FKBP5: variants seen among roughly 807,000 people sequenced by gnomAD.
FKBP5 encodes peptidyl-prolyl cis-trans isomerase FKBP5.
Under a neutral mutation model 50.5 loss-of-function variants are expected in FKBP5, and 23 were observed. The ratio of observed to expected loss-of-function variants is 0.46; its 90% confidence interval spans 0.33 to 0.65. The LOEUF is 0.65. Ranked by LOEUF, FKBP5 falls within the 30% of genes least tolerant of loss-of-function variation. FKBP5 has a pLI of 0.02. For synonymous variants in FKBP5, 176 were observed against 190.6 expected (o/e 0.92, Z 0.63); for missense variants, 411 against 553.1 (o/e 0.74, Z 2.58).
intron 1 of FKBP5, among the ~76,000 whole-genome samples, chr6:35,669,735 A>C (rs1022315993): frequency 6.6e-6 from 1 of 152,264 alleles, no homozygotes; most frequent in African/African-American, 2.4e-5. Context: ...CAAAATTAGA[A>C]ATATAAATTA....
chr6:35,601,293 A>G (rs551986052), intron 5 of FKBP5, among the ~76,000 whole-genome samples: 7 of 152,354 alleles, frequency 4.6e-5, no homozygotes, highest in Non-Finnish European at 8.8e-5. Flanking sequence ...AACATTCGGA[A>G]TGTCAGAGTA....
At position 35,688,790 on chromosome 6, in the gene FKBP5, C is replaced by T. The variant is rs1229325501; in HGVS notation, c.-20+14G>A. On this transcript the variant is annotated intron_variant, in intron 1 of 10. Coordinates refer to ENST00000357266, the MANE Select transcript of FKBP5 (RefSeq NM_004117.4). ...CGGCCGGCCGCCCCATCTCCGTGGC[C>T]ATGGCGCCGGTACCTGTCGCCGCGG... The T allele has an allele frequency of 3.3e-5, 5 of 150,906 alleles. No individual in the cohort carries two copies. Among genetic ancestry groups the T allele is most frequent in the Non-Finnish European group, 5.9e-5 (4 of 67,584 alleles). The allele number at this position is 150,906 out of a possible 1,614,324, so 9.3% of individuals were successfully genotyped here.
intron 5 of FKBP5, among the ~76,000 whole-genome samples, chr6:35,611,416 G>C (rs1262571766): frequency 6.6e-6 from 1 of 152,142 alleles, no homozygotes; most frequent in Non-Finnish European, 1.5e-5. Flanking sequence ...AAAGTACTGA[G>C]AGGCGAGAGA....
intron 3 of FKBP5, among the ~76,000 whole-genome samples, chr6:35,632,895 G>GAA (rs998925352): frequency 1.1e-5 from 1 of 94,190 alleles, no homozygotes; most frequent in Non-Finnish European, 2.3e-5. Flanking sequence ...GTCTCAGAAA[G>GAA]AAAAAAAAAA....
intron 2 of FKBP5, among the ~76,000 whole-genome samples, chr6:35,701,335 C>T (rs1354899815): frequency 2.0e-5 from 3 of 149,778 alleles, no homozygotes; most frequent in Non-Finnish European, 3.0e-5. Context: ...GCTCCGCCTC[C>T]CGGGTTCACG....
At chr6:35,684,817 A>G (rs993034432) in intron 1 of FKBP5, among the ~76,000 whole-genome samples, 1 of 152,170 alleles carries the variant, frequency 6.6e-6, no homozygotes, top group African/African-American at 2.4e-5. Context: ...ACTTGAGCTC[A>G]GGAGTTGGAC....
intron 1 of FKBP5, among the ~76,000 whole-genome samples, chr6:35,656,016 G>A (rs1303505084): frequency 6.6e-6 from 1 of 152,154 alleles, no homozygotes; most frequent in Non-Finnish European, 1.5e-5. Flanking sequence ...AGCAACTGGA[G>A]GAAGAGATGT....
rs142746190 is a variant in FKBP5, at chr6:35,610,534, C to T, written c.508+8562G>A. The stretch of plus-strand genomic sequence containing the variant: ...AGTGAGCCAAGACCGCGCCACTGCA[C>T]TATAGCCTGAGTGACAGAGCAAGAC... On this transcript the variant is annotated intron_variant, in intron 5 of 10. Transcript: ENST00000357266. Among the ~76,000 whole-genome samples the T allele has an allele frequency of 3.7e-3, 399 of 108,656 alleles. 1 individual carries two copies. Among genetic ancestry groups the T allele is most frequent in the Middle Eastern group, 0.023 (2 of 86 alleles). The allele number at this position is 108,656 out of a possible 152,430, so 71.3% of individuals were successfully genotyped here. A position where few individuals can be genotyped will look rare whatever the true frequency, so the allele number is the denominator to read the frequency against.
intron 1 of FKBP5, among the ~76,000 whole-genome samples, chr6:35,679,772 G>T (rs1341223690): frequency 6.6e-6 from 1 of 152,110 alleles, no homozygotes; most frequent in Non-Finnish European, 1.5e-5. Flanking sequence ...AGACTCAGAA[G>T]AGGGCAGGGG....
At chr6:35,727,736 C>T (rs758114612) in intron 1 of FKBP5, among the ~76,000 whole-genome samples, 1 of 152,204 alleles carries the variant, frequency 6.6e-6, no homozygotes, top group Non-Finnish European at 1.5e-5. Context: ...CCTCCTCCCG[C>T]CCCCCGGACT....
intron 3 of FKBP5, among the ~76,000 whole-genome samples, chr6:35,632,138 C>T (rs1264322472): frequency 6.6e-6 from 1 of 151,974 alleles, no homozygotes; most frequent in Non-Finnish European, 1.5e-5. Flanking sequence ...GGGCTATGAC[C>T]AGTTCTAATA....
rs542621110 is a variant in FKBP5 at position 35,674,682 on chromosome 6, A to G, written c.-20+14122T>C. The stretch of plus-strand genomic sequence containing the variant: ...TGTATTAACTCATTTAATTCTCTCA[A>G]CAATCCTAGGCGAGAGATCACGTCA... On this transcript the variant is annotated intron_variant, in intron 1 of 10. Transcript: ENST00000357266. 3.9e-5 allele frequency among the ~76,000 whole-genome samples: 6 copies of G among 152,344 alleles called. No individual in the cohort carries two copies. In the South Asian group the frequency reaches 8.3e-4, roughly 21 times the overall value.
upstream of FKBP5, among the ~76,000 whole-genome samples, chr6:35,690,286 T>C (rs968945086): frequency 3.9e-5 from 6 of 152,002 alleles, no homozygotes; most frequent in Admixed American, 3.3e-4. Flanking sequence ...CTGACCAACA[T>C]GGAGAAACCC....
At chr6:35,606,078 A>G (rs1328737571) in intron 5 of FKBP5, among the ~76,000 whole-genome samples, 2 of 152,260 alleles carry the variant, frequency 1.3e-5, no homozygotes, top group Non-Finnish European at 2.9e-5. Flanking sequence ...GGACCTAATT[A>G]AAGAGCTTCA....
rs371822356 is a variant in FKBP5, at chr6:35,583,543, T to G, written c.841-3322A>C. The stretch of plus-strand genomic sequence containing the variant: ...AAGTCTGTCTTGTACTCCCTGCTTC[T>G]GAGGTACTAAAGCAGTTCTCAACTG... On this transcript the variant is annotated intron_variant, in intron 8 of 10. Coordinates refer to ENST00000357266, the MANE Select transcript of FKBP5 (RefSeq NM_004117.4). 53 of 985,356 alleles carry G rather than the reference T, an allele frequency of 5.4e-5. 1 individual carries two copies. In the East Asian group the frequency reaches 1.2e-3, roughly 23 times the overall value. The allele number at this position is 985,356 out of a possible 1,614,324, so 61.0% of individuals were successfully genotyped here.
intron 1 of FKBP5, among the ~76,000 whole-genome samples, chr6:35,687,396 C>G (rs1004085920): frequency 6.6e-6 from 1 of 152,074 alleles, no homozygotes; most frequent in Non-Finnish European, 1.5e-5. Flanking sequence ...AATTTCCCAC[C>G]AGAATAAGAA....
intron 1 of FKBP5, among the ~76,000 whole-genome samples, chr6:35,687,230 T>C (rs906584065): frequency 2.0e-5 from 3 of 152,198 alleles, no homozygotes; most frequent in African/African-American, 4.8e-5. Flanking sequence ...AAATAAAGTG[T>C]TTCTCACAAA....
chr6:35,643,424 A>G (rs1387174405), intron 1 of FKBP5, among the ~76,000 whole-genome samples: 1 of 152,160 alleles, frequency 6.6e-6, no homozygotes, highest in Admixed American at 6.5e-5. Context: ...TAGATTGGTA[A>G]CTTAAACATA....
At chr6:35,620,311 C>T (rs201069123) in intron 3 of FKBP5, 37 bp from the exon 4 acceptor site, 24 of 1,585,218 alleles carry the variant, frequency 1.5e-5, no homozygotes, top group East Asian at 2.2e-5. Context: ...AGCTATAAGC[C>T]CTATTTAAAA....
Sources: allele counts gnomAD v4.1 joint callset (sites outside exome capture counted in the v4.1 genomes callset), GRCh38; gene constraint gnomAD v4.1.1; transcripts MANE v1.5; gene names NCBI Gene and HGNC (gene_info 2026-07-23, HGNC 2026-07-21).